Variants in DLC1 observed in about 807,000 individuals in gnomAD.
DLC1 encodes rho GTPase-activating protein 7.
In DLC1, 54 loss-of-function variants were observed where a neutral mutation model predicts 140.3. The ratio of observed to expected loss-of-function variants is 0.38; its 90% CI spans 0.31 to 0.48. The LOEUF is 0.48. DLC1 is among the 20% of genes least tolerant of loss of function. The probability of loss-of-function intolerance (pLI) is 0.96; values close to 1 mark genes in which losing one functional copy is unlikely to be tolerated. For synonymous variants in DLC1, 986 were observed against 728.1 expected, an observed-to-expected ratio of 1.35 and a Z score of -5.70; for missense variants, 2,536 against 1,907.0, an observed-to-expected ratio of 1.33 and a Z score of -6.14.
chr8:13,218,293 G>A (rs917004704), intron 5 of DLC1, among the ~76,000 whole-genome samples: 1 of 152,090 alleles, frequency 6.6e-6, no homozygotes, highest in African/African-American at 2.4e-5. Flanking sequence ...ACTCCTAGAA[G>A]AAAGCATAGA....
intron 12 of DLC1, among the ~76,000 whole-genome samples, chr8:13,093,293 T>C (rs1031366592): frequency 2.0e-5 from 3 of 152,140 alleles, no homozygotes; most frequent in African/African-American, 7.2e-5. Context: ...ATGTTCAGTA[T>C]CTCTGGAGAT....
chr8:13,246,978 A>C (rs561856530), intron 5 of DLC1, among the ~76,000 whole-genome samples: 2 of 152,140 alleles, frequency 1.3e-5, no homozygotes, highest in Non-Finnish European at 2.9e-5. Context: ...CAAAACCCAG[A>C]CTGAGTGTCT....
At chr8:13,579,895 C>G (rs559568168) in intron 1 of DLC1, among the ~76,000 whole-genome samples, 72 of 151,858 alleles carry the variant, frequency 4.7e-4, no homozygotes, top group African/African-American at 1.6e-3. Flanking sequence ...TAAGCACTCT[C>G]TAGAATGGTG....
At chr8:13,410,214 A>G (rs1049408019) in intron 2 of DLC1, among the ~76,000 whole-genome samples, 3 of 152,190 alleles carry the variant, frequency 2.0e-5, no homozygotes, top group Non-Finnish European at 4.4e-5. Context: ...TTAAGTGGCA[A>G]GGACTTAGAA....
chr8:13,141,395 T>C (rs1304055751), intron 5 of DLC1, among the ~76,000 whole-genome samples: 1 of 152,094 alleles, frequency 6.6e-6, no homozygotes, highest in African/African-American at 2.4e-5. Context: ...TATATATCCA[T>C]TAATACTAAT....
intron 14 of DLC1, among the ~76,000 whole-genome samples, chr8:13,090,961 C>T (rs932466991): frequency 6.6e-6 from 1 of 151,944 alleles, no homozygotes; most frequent in African/African-American, 2.4e-5. Context: ...TGCACCACCA[C>T]ACCCGGCTAA....
intron 5 of DLC1, among the ~76,000 whole-genome samples, chr8:13,154,594 G>C (rs1052842702): frequency 1.3e-5 from 2 of 152,196 alleles, no homozygotes; most frequent in Non-Finnish European, 2.9e-5. Context: ...CACACCTCCC[G>C]GCAAGCAGAG....
intron 5 of DLC1, among the ~76,000 whole-genome samples, chr8:13,151,539 A>G (rs1186437763): frequency 6.6e-6 from 1 of 152,228 alleles, no homozygotes; most frequent in Admixed American, 6.5e-5. Context: ...TAGTCAGTCT[A>G]GAAATGGACT....
At chr8:13,253,727 A>C (rs536275498) in intron 5 of DLC1, among the ~76,000 whole-genome samples, 17 of 152,320 alleles carry the variant, frequency 1.1e-4, no homozygotes, top group African/African-American at 3.8e-4. Flanking sequence ...TGATGGCTGG[A>C]GAGTGGGCTT....
chr8:13,596,808 T>C (rs1011314513), intron 1 of DLC1, among the ~76,000 whole-genome samples: 4 of 152,054 alleles, frequency 2.6e-5, no homozygotes, highest in East Asian at 1.9e-4. Flanking sequence ...CAAGAAATTC[T>C]TCTTAGCAAA....
chr8:13,215,522 G>C (rs1471979507), intron 5 of DLC1, among the ~76,000 whole-genome samples: 2 of 152,160 alleles, frequency 1.3e-5, no homozygotes, highest in African/African-American at 4.8e-5. Context: ...GAAGGCAGAA[G>C]TTTCAGTTAG....
In DLC1 at chr8:13,552,009, ATATG is replaced by A. The variant is rs931461262; in HGVS notation, c.-125-51817_-125-51814del. ...TATATATATGTGTGTGTGTGCATAT[ATATG>A]TGTGTGTATATATATATGTGTGTGT... On this transcript the variant is annotated intron_variant, in intron 1 of 1. Coordinates refer to the DLC1 transcript ENST00000631382. 9.1e-5 allele frequency among the ~76,000 whole-genome samples: 13 copies of A among 142,780 alleles called. No individual in the cohort carries two copies. In the South Asian group the frequency reaches 2.8e-3, roughly 31 times the overall value. 93.7% of individuals were successfully genotyped at this position (142,780 alleles called of 152,430 possible).
intron 4 of DLC1, among the ~76,000 whole-genome samples, chr8:13,323,458 G>T (rs1355010007): frequency 3.9e-5 from 6 of 152,126 alleles, no homozygotes; most frequent in Non-Finnish European, 7.4e-5. Context: ...ATGGAAATAG[G>T]CAGAAAGTGG....
At chr8:13,419,941 G>T (rs948116350) in intron 2 of DLC1, among the ~76,000 whole-genome samples, 1 of 152,086 alleles carries the variant, frequency 6.6e-6, no homozygotes, top group Non-Finnish European at 1.5e-5. Flanking sequence ...TTTAGTCTTG[G>T]GAGAGTGTAT....
At chr8:13,219,164 ATAACTATATAAT>A (rs1410508105) in intron 5 of DLC1, among the ~76,000 whole-genome samples, 3 of 55,190 alleles carry the variant, frequency 5.4e-5, no homozygotes, top group African/African-American at 7.0e-5. Flanking sequence ...TTATATGAAT[ATAACTATATAAT>A]TATATGAATA....
rs754527270 is a variant in DLC1 at position 13,499,573 on chromosome 8, C to G, written c.499G>C (p.Ala167Pro). 12 of 1,614,170 alleles carry G rather than the reference C, an allele frequency of 7.4e-6. No homozygotes were observed. In the Admixed American group the frequency reaches 1.2e-4, roughly 16 times the overall value. The stretch of plus-strand genomic sequence containing the variant: ...ACCAGTGCTAATTCAGTTTCACCAG[C>G]TATTCCCCAGGAGTTAGAAGAAACT... ...NQVSSNSWGI[A>P]GETELALVKE... is the part of the protein sequence containing the mutation. The change falls in exon 2 of 18, where the codon GCT (alanine) becomes CCT (proline). Residue 167 changes from alanine (A) to proline (P), a missense_variant. Ala to Pro is a conservative substitution (Grantham distance 27). Transcript: ENST00000276297.
intron 5 of DLC1, among the ~76,000 whole-genome samples, chr8:13,207,754 C>A (rs750765090): frequency 6.6e-6 from 1 of 151,962 alleles, no homozygotes; most frequent in South Asian, 2.1e-4. Context: ...GAGGTACTGC[C>A]GACATACAGT....
At position 13,368,432 on chromosome 8, in the gene DLC1, C is replaced by G. The variant is rs548541284; in HGVS notation, c.1314+25121G>C. Among the ~76,000 whole-genome samples, 421 of 152,176 alleles carry G rather than the reference C, an allele frequency of 2.8e-3. 2 individuals are homozygous for G. Among genetic ancestry groups the G allele is most frequent in the African/African-American group, 9.9e-3 (411 of 41,530 alleles). On this transcript the variant is annotated intron_variant, in intron 4 of 17. Transcript: ENST00000276297. ...TCAGGCAGCAGCACAACAAGAAGGT[C>G]AAGTTCTCATTTGCCCCAAGGAAAT...
intron 2 of DLC1, among the ~76,000 whole-genome samples, chr8:13,431,564 C>A (rs1418977576): frequency 6.8e-6 from 1 of 147,310 alleles, no homozygotes; most frequent in Non-Finnish European, 1.5e-5. Flanking sequence ...TTGTCTCTAC[C>A]TGTCTTTGTG....
Sources: gnomAD v4.1 joint callset for allele counts (sites outside exome capture counted in the v4.1 genomes callset) on GRCh38, gnomAD v4.1.1 for gene constraint, MANE v1.5 for transcripts, NCBI Gene and HGNC (gene_info 2026-07-23, HGNC 2026-07-21) for gene names.